Variants in IL1RAPL2 observed in about 807,000 individuals in gnomAD.
IL1RAPL2 encodes interleukin 1 receptor accessory protein like 2, also known as X-linked interleukin-1 receptor accessory protein-like 2.
Under a neutral mutation model 44.1 loss-of-function variants are expected in IL1RAPL2, and 3 were observed. That is an observed-to-expected ratio of 0.07 (90% confidence interval 0.03 to 0.18). IL1RAPL2 has a LOEUF of 0.18. IL1RAPL2 is among the 10% of genes least tolerant of loss of function. The probability of loss-of-function intolerance (pLI) is 1.00; values close to 1 mark genes in which losing one functional copy is unlikely to be tolerated. For synonymous variants in IL1RAPL2, 181 were observed against 178.8 expected (o/e 1.01, Z -0.10); for missense variants, 391 against 496.4 (o/e 0.79, Z 2.02).
intron 6 of IL1RAPL2, among the ~76,000 whole-genome samples, chrX:105,540,869 AATACATACATATATT>A (rs1449251984): frequency 3.9e-5 from 3 of 76,857 alleles, no homozygotes; most frequent in African/African-American, 1.6e-4. Flanking sequence ...TATGATATAT[AATACATACATATATT>A]ATATATGATA....
intron 6 of IL1RAPL2, among the ~76,000 whole-genome samples, chrX:105,528,284 A>C (rs757187013): frequency 1.6e-4 from 18 of 111,421 alleles, no homozygotes; most frequent in Non-Finnish European, 3.2e-4. Flanking sequence ...CATGGCAAGG[A>C]GGTATTATCA....
At chrX:105,748,819 CAA>C (rs2147583805) in intron 8 of IL1RAPL2, 139 bp from the exon 9 acceptor site, 1 of 471,952 alleles carries the variant, frequency 2.1e-6, no homozygotes, top group South Asian at 5.9e-5. Flanking sequence ...ACAAATGTAT[CAA>C]GAGCAAAGCT....
chrX:104,876,655 T>A (rs1389927464), intron 2 of IL1RAPL2, among the ~76,000 whole-genome samples: 2 of 105,372 alleles, frequency 1.9e-5, no homozygotes, highest in Non-Finnish European at 3.9e-5. Context: ...AGCTTTCTTT[T>A]TTTTTTTTTT....
At chrX:104,728,208 G>A (rs1226513146) in intron 2 of IL1RAPL2, among the ~76,000 whole-genome samples, 1 of 111,800 alleles carries the variant, frequency 8.9e-6, no homozygotes, top group African/African-American at 3.2e-5. Context: ...TCATAAAAGA[G>A]TGTGAGCAAA....
At chrX:104,626,846 A>G (rs1280833393) in intron 1 of IL1RAPL2, among the ~76,000 whole-genome samples, 2 of 103,424 alleles carry the variant, frequency 1.9e-5, no homozygotes, top group Non-Finnish European at 3.9e-5. Flanking sequence ...TTTGAGACAG[A>G]GTCTCACTCT....
chrX:105,012,669 A>G (rs2031081087), intron 2 of IL1RAPL2, among the ~76,000 whole-genome samples: 1 of 83,658 alleles, frequency 1.2e-5, no homozygotes, highest in African/African-American at 4.7e-5. Flanking sequence ...ACACACACAC[A>G]CACACAGAGA....
At chrX:104,636,339 G>A (rs923004604) in intron 1 of IL1RAPL2, among the ~76,000 whole-genome samples, 24 of 112,232 alleles carry the variant, frequency 2.1e-4, no homozygotes, top group South Asian at 7.4e-4. Context: ...CTCCAGCTGC[G>A]TGCTGGGAGA....
At chrX:104,678,348 T>A (rs1930825725) in intron 2 of IL1RAPL2, among the ~76,000 whole-genome samples, 1 of 112,028 alleles carries the variant, frequency 8.9e-6, no homozygotes, top group African/African-American at 3.2e-5. Context: ...AGTAAATATT[T>A]GTGGTAGTGT....
chrX:104,608,377 C>T (rs902675689), intron 1 of IL1RAPL2, among the ~76,000 whole-genome samples: 10 of 110,755 alleles, frequency 9.0e-5, no homozygotes, highest in African/African-American at 3.0e-4. Context: ...GAGTTCAAGT[C>T]CTGGAATCCC....
At chrX:104,945,895 T>A (rs1037414756) in intron 2 of IL1RAPL2, among the ~76,000 whole-genome samples, 7 of 110,910 alleles carry the variant, frequency 6.3e-5, no homozygotes, top group African/African-American at 2.3e-4. Context: ...CTTTCTTTTT[T>A]TTTGTTGTTG....
At chrX:105,733,303 T>C (rs2038420249) in intron 7 of IL1RAPL2, among the ~76,000 whole-genome samples, 1 of 111,482 alleles carries the variant, frequency 9.0e-6, no homozygotes, top group African/African-American at 3.2e-5. Flanking sequence ...TTTCAAGATT[T>C]TGTCTTTAAT....
intron 5 of IL1RAPL2, among the ~76,000 whole-genome samples, chrX:105,361,465 A>C (rs181199157): frequency 3.9e-4 from 43 of 111,652 alleles, no homozygotes; most frequent in Non-Finnish European, 7.4e-4. Flanking sequence ...AAAGCTATGT[A>C]TATAATCCAC....
At chrX:105,610,276 G>C (rs1032397967) in intron 6 of IL1RAPL2, among the ~76,000 whole-genome samples, 2 of 111,164 alleles carry the variant, frequency 1.8e-5, no homozygotes, top group Non-Finnish European at 3.8e-5. Context: ...CTTCAATCAG[G>C]GTATCTTTTA....
intron 5 of IL1RAPL2, chrX:105,406,454 C>A (rs779070563): frequency 2.1e-5 from 25 of 1,189,797 alleles, no homozygotes; most frequent in Non-Finnish European, 2.4e-5. Flanking sequence ...GAATTCTCAA[C>A]CACCGGAGGA....
At chrX:104,757,435 G>A (rs889921944) in intron 2 of IL1RAPL2, among the ~76,000 whole-genome samples, 3 of 111,383 alleles carry the variant, frequency 2.7e-5, no homozygotes, top group Non-Finnish European at 5.7e-5. Flanking sequence ...TTAAATGTAT[G>A]AGTCTGGATT....
intron 2 of IL1RAPL2, among the ~76,000 whole-genome samples, chrX:105,004,166 T>A (rs1049902917): frequency 2.7e-5 from 3 of 110,250 alleles, no homozygotes; most frequent in African/African-American, 6.6e-5. Flanking sequence ...ATATCCTGTT[T>A]TCAATACACA....
chrX:104,998,686 G>A (rs1436577406), intron 2 of IL1RAPL2, among the ~76,000 whole-genome samples: 4 of 111,610 alleles, frequency 3.6e-5, no homozygotes, highest in Non-Finnish European at 1.9e-5. Flanking sequence ...AGAATTGCTT[G>A]AGCCCAGGAG....
intron 8 of IL1RAPL2, 92 bp downstream of exon 8, chrX:105,740,783 T>C (rs2038493490): frequency 1.2e-6 from 1 of 848,688 alleles, no homozygotes. Context: ...TATCATGTAG[T>C]GTAAACCTTT....
At chrX:105,269,975 G>A (rs768175622) in intron 5 of IL1RAPL2, among the ~76,000 whole-genome samples, 2 of 112,035 alleles carry the variant, frequency 1.8e-5, no homozygotes, top group Non-Finnish European at 3.8e-5. Context: ...TTTATAAGAT[G>A]TTAGTTTACT....
Sources: gnomAD v4.1 joint callset for allele counts (sites outside exome capture counted in the v4.1 genomes callset) on GRCh38, gnomAD v4.1.1 for gene constraint, MANE v1.5 for transcripts, NCBI Gene and HGNC (gene_info 2026-07-23, HGNC 2026-07-21) for gene names.